Variants in VAC14 observed in about 807,000 individuals in gnomAD.
VAC14 encodes the protein VAC14 component of PIKFYVE complex.
VAC14 carries 47 observed loss-of-function variants against 85.3 expected under a neutral mutation model. That is an observed-to-expected ratio of 0.55 (90% confidence interval 0.44 to 0.70). The LOEUF (loss-of-function observed/expected upper bound fraction) is 0.70. Ranked by LOEUF, VAC14 falls within the 30% of genes least tolerant of loss-of-function variation. The pLI is 0.00. For missense variants in VAC14, 861 were observed against 1,004.3 expected (o/e 0.86, Z 1.93); for synonymous variants, 447 against 430.5 (o/e 1.04, Z -0.47).
chr16:70,800,081 C>T (rs763392391), intron 1 of VAC14, among the ~76,000 whole-genome samples: 16 of 151,962 alleles, frequency 1.1e-4, no homozygotes, highest in Admixed American at 3.3e-4. Context: ...GACTTTAACA[C>T]TAAAATGTGA....
At chr16:70,727,910 G>A (rs114856299) in intron 14 of VAC14, among the ~76,000 whole-genome samples, 2,478 of 152,312 alleles carry the variant, frequency 0.016, 60 homozygotes, top group African/African-American at 0.057. Context: ...GCAGGTTCCC[G>A]AACCAGCTGG....
intron 9 of VAC14, chr16:70,773,003 G>T (rs569760608): frequency 3.3e-5 from 5 of 152,188 alleles, no homozygotes; most frequent in African/African-American, 1.2e-4. Flanking sequence ...TCCCTTTCTC[G>T]AAAGTGTTTA....
At position 70,695,476 on chromosome 16, in the gene VAC14, C is replaced by T. The variant is rs574868568; in HGVS notation, c.2035+68G>A. ...CCAAAAGAGACCAACTGGAGCTTGACTTCACCCACCCCACTCCAGGGCAGC... is the reference window on the plus strand; with the variant it reads ...CCAAAAGAGACCAACTGGAGCTTGATTTCACCCACCCCACTCCAGGGCAGC... On this transcript the variant is annotated intron_variant, in intron 17 of 18. Coordinates refer to ENST00000261776, the MANE Select transcript of VAC14 (RefSeq NM_018052.5). 1.1e-4 allele frequency: 177 copies of T among 1,539,592 alleles called. 1 individual carries two copies. In the South Asian group the frequency reaches 1.6e-3, roughly 14 times the overall value.
At chr16:70,787,496 C>T (rs191826860) in intron 1 of VAC14, among the ~76,000 whole-genome samples, 140 of 152,234 alleles carry the variant, frequency 9.2e-4, no homozygotes, top group African/African-American at 3.0e-3. Flanking sequence ...AGGCCCTGCC[C>T]TGAGTGGAGG....
intron 1 of VAC14, among the ~76,000 whole-genome samples, chr16:70,789,447 T>G (rs1008303372): frequency 6.6e-6 from 1 of 152,194 alleles, no homozygotes; most frequent in South Asian, 2.1e-4. Context: ...TCAACTTATA[T>G]GCAAGGAGGC....
At chr16:70,745,617 C>G (rs1368018322) in intron 12 of VAC14, among the ~76,000 whole-genome samples, 1 of 152,216 alleles carries the variant, frequency 6.6e-6, no homozygotes, top group Non-Finnish European at 1.5e-5. Context: ...CTGCAGGGAA[C>G]TCCTCACACT....
chr16:70,797,765 C>T (rs749789756), intron 1 of VAC14, among the ~76,000 whole-genome samples: 1 of 152,112 alleles, frequency 6.6e-6, no homozygotes, highest in Non-Finnish European at 1.5e-5. Flanking sequence ...TGGTGCTGTT[C>T]TTGTGATAGT....
chr16:70,749,249 C>T (rs547583596), intron 12 of VAC14, among the ~76,000 whole-genome samples: 7 of 152,354 alleles, frequency 4.6e-5, no homozygotes, highest in Non-Finnish European at 1.0e-4. Flanking sequence ...CTTCCAACCC[C>T]GCTTTCTCCC....
intron 12 of VAC14, among the ~76,000 whole-genome samples, chr16:70,749,205 G>A (rs1370543082): frequency 6.6e-6 from 1 of 152,238 alleles, no homozygotes; most frequent in Non-Finnish European, 1.5e-5. Context: ...CAGGCTTAGT[G>A]ACTGAGCATG....
chr16:70,790,748 T>C (rs910687891), intron 1 of VAC14, among the ~76,000 whole-genome samples: 1 of 152,104 alleles, frequency 6.6e-6, no homozygotes, highest in Non-Finnish European at 1.5e-5. Flanking sequence ...AGAGTCCTAC[T>C]AGGACTCAAT....
rs144822847 is a variant in VAC14 at position 70,719,941 on chromosome 16, C to T, written c.1661+11554G>A. On this transcript the variant is annotated intron_variant, in intron 14 of 18. Coordinates refer to ENST00000261776, the MANE Select transcript of VAC14 (RefSeq NM_018052.5). ...CATAATAGTGTCAAACCGAAAATAACCCCCATGCCCATCAATACTAGAAGA... is the reference window on the plus strand; with the variant it reads ...CATAATAGTGTCAAACCGAAAATAATCCCCATGCCCATCAATACTAGAAGA... Among the ~76,000 whole-genome samples the T allele has an allele frequency of 4.9e-3, 753 of 152,280 alleles. 6 individuals are homozygous for T. Among genetic ancestry groups the T allele is most frequent in the African/African-American group, 0.017 (714 of 41,558 alleles).
chr16:70,706,108 G>C (rs971743890), intron 14 of VAC14, among the ~76,000 whole-genome samples: 15 of 152,212 alleles, frequency 9.9e-5, no homozygotes, highest in Admixed American at 7.9e-4. Context: ...AGCCCCACTG[G>C]CCTGGTGGGG....
At chr16:70,777,341 A>T (rs780792040) in intron 9 of VAC14, among the ~76,000 whole-genome samples, 82 of 152,316 alleles carry the variant, frequency 5.4e-4, no homozygotes, top group Admixed American at 2.9e-3. Context: ...ACACAACCAC[A>T]CTATAGGTTA....
chr16:70,724,617 C>T (rs542357836), intron 14 of VAC14, among the ~76,000 whole-genome samples: 24 of 152,272 alleles, frequency 1.6e-4, no homozygotes, highest in Admixed American at 9.8e-4. Context: ...GATGAGAAGC[C>T]GGGAGCCGGT....
chr16:70,786,527 G>T, intron 1 of VAC14, 162 bp from the exon 2 acceptor site: 1 of 854,690 alleles, frequency 1.2e-6, no homozygotes, highest in Non-Finnish European at 1.8e-6. Flanking sequence ...CTGAGTCATC[G>T]TTGTTTCCCT....
intron 14 of VAC14, chr16:70,716,520 T>C (rs1486941158): frequency 2.0e-5 from 3 of 152,262 alleles, no homozygotes; most frequent in Non-Finnish European, 4.4e-5. Flanking sequence ...CAGCAGGCAG[T>C]AAATATTTAC....
rs370869532 is a variant in VAC14 at position 70,745,518 on chromosome 16, TGCGC to T, written c.1372-943_1372-940del. On this transcript the variant is annotated intron_variant, in intron 12 of 18. Transcript: ENST00000261776. ...GTGTGTGTGTGTGTGTGTGTGTGTG[TGCGC>T]GTGTGCGCGCGTGTGCCTGTGTGCA... Among the ~76,000 whole-genome samples the T allele has an allele frequency of 2.3e-3, 320 of 141,080 alleles. 3 individuals carry two copies. The highest frequency in any genetic ancestry group is 7.2e-3 in the Middle Eastern group (2 of 278). 92.6% of individuals were successfully genotyped at this position (141,080 alleles called of 152,430 possible). A position where few individuals can be genotyped will look rare whatever the true frequency, so the allele number is the denominator to read the frequency against.
chr16:70,799,713 C>T (rs1377297518), intron 1 of VAC14, among the ~76,000 whole-genome samples: 1 of 152,164 alleles, frequency 6.6e-6, no homozygotes, highest in East Asian at 1.9e-4. Context: ...GGTGCAGAGG[C>T]TGAGAAACCC....
intron 9 of VAC14, among the ~76,000 whole-genome samples, chr16:70,775,356 T>C (rs1425644628): frequency 6.6e-6 from 1 of 152,242 alleles, no homozygotes; most frequent in Non-Finnish European, 1.5e-5. Flanking sequence ...AAGTCTCTTG[T>C]GCTGGCTTGT....
Sources: allele counts gnomAD v4.1 joint callset (sites outside exome capture counted in the v4.1 genomes callset), GRCh38; gene constraint gnomAD v4.1.1; transcripts MANE v1.5; gene names NCBI Gene and HGNC (gene_info 2026-07-23, HGNC 2026-07-21).